The following HPSE2 variants were observed in gnomAD, a reference collection of about 807,000 sequenced individuals.
HPSE2 encodes inactive heparanase-2.
In HPSE2, 38 loss-of-function variants were observed where a neutral mutation model predicts 60.5. The ratio of observed to expected loss-of-function variants is 0.63; its 90% CI spans 0.48 to 0.82. The LOEUF (loss-of-function observed/expected upper bound fraction) is 0.82, where lower values mean the gene tolerates loss of function less well. Among genes scored for constraint, HPSE2 ranks in the 40% least tolerant of loss-of-function variants. The pLI is 0.00. For missense variants in HPSE2, 713 were observed against 740.4 expected (o/e 0.96, Z 0.43); for synonymous variants, 295 against 293.2 (o/e 1.01, Z -0.06).
chr10:98,694,371 C>T (rs1264790592), intron 5 of HPSE2, among the ~76,000 whole-genome samples: 1 of 152,218 alleles, frequency 6.6e-6, no homozygotes, highest in Non-Finnish European at 1.5e-5. Flanking sequence ...TGAAAAACTT[C>T]AGGCTTTCCT....
intron 10 of HPSE2, 122 bp from the exon 11 acceptor site, chr10:98,482,904 C>T (rs1591248037): frequency 3.1e-6 from 3 of 953,408 alleles, no homozygotes; most frequent in Non-Finnish European, 4.9e-6. Flanking sequence ...AAAAACTTGG[C>T]CACCATAGAC....
At chr10:98,943,493 G>A (rs1177282411) in intron 3 of HPSE2, among the ~76,000 whole-genome samples, 3 of 151,842 alleles carry the variant, frequency 2.0e-5, no homozygotes, top group East Asian at 3.9e-4. Flanking sequence ...CCACCCCTTC[G>A]TATTCATAGC....
At chr10:98,503,679 C>T (rs1403402965) in intron 9 of HPSE2, among the ~76,000 whole-genome samples, 1 of 152,188 alleles carries the variant, frequency 6.6e-6, no homozygotes, top group African/African-American at 2.4e-5. Flanking sequence ...GAATGCTACT[C>T]AGCCATAAAA....
At chr10:98,616,716 G>T (rs1398102436) in intron 8 of HPSE2, among the ~76,000 whole-genome samples, 1 of 151,742 alleles carries the variant, frequency 6.6e-6, no homozygotes, top group Non-Finnish European at 1.5e-5. Flanking sequence ...AAATCAAAAG[G>T]GAAATCTGAC....
At chr10:98,685,154 A>T (rs375745180) in intron 6 of HPSE2, among the ~76,000 whole-genome samples, 10 of 152,130 alleles carry the variant, frequency 6.6e-5, no homozygotes, top group Non-Finnish European at 1.5e-4. Context: ...CCATTGATCC[A>T]TTGTATGTTT....
chr10:99,259,621 A>G, the HPSE2 span, among the ~76,000 whole-genome samples: 8 of 152,222 alleles, frequency 5.3e-5, no homozygotes, highest in Non-Finnish European at 8.8e-5. Context: ...CCAAGATGTC[A>G]TGAATAAAAC....
At chr10:98,482,876 G>A in intron 10 of HPSE2, 94 bp from the exon 11 acceptor site, 1 of 1,379,550 alleles carries the variant, frequency 7.2e-7, no homozygotes, top group African/African-American at 1.4e-5. Context: ...AATATGAACA[G>A]CCCTGAAAAT....
rs566049695 is a variant in HPSE2, at chr10:98,710,724, G to A, written c.956+10933C>T. Among the ~76,000 whole-genome samples, 18 of 152,290 alleles carry A rather than the reference G, an allele frequency of 1.2e-4. No homozygotes were observed. In the South Asian group the frequency reaches 3.5e-3, roughly 30 times the overall value. ...AAGATCACACAGGCAGTTAATTGCA[G>A]AGCTGGGATTCAAACCCAATTCTGA... On this transcript the variant is annotated intron_variant, in intron 5 of 11. Transcript: ENST00000370552.
intron 3 of HPSE2, among the ~76,000 whole-genome samples, chr10:98,797,605 A>G (rs1319080870): frequency 6.6e-6 from 1 of 152,104 alleles, no homozygotes; most frequent in African/African-American, 2.4e-5. Context: ...GCACTTTGGG[A>G]GGCCGAGGCG....
intron 3 of HPSE2, among the ~76,000 whole-genome samples, chr10:98,915,512 G>A (rs527357701): frequency 6.6e-6 from 1 of 152,002 alleles, no homozygotes; most frequent in East Asian, 1.9e-4. Flanking sequence ...TGAGAGGGAG[G>A]GAAAAATTTA....
At chr10:98,895,949 G>C (rs1216353095) in intron 3 of HPSE2, among the ~76,000 whole-genome samples, 2 of 100,156 alleles carry the variant, frequency 2.0e-5, no homozygotes, top group East Asian at 3.7e-4. Context: ...GTGGGGGGAG[G>C]GGGGAGGGAT....
chr10:98,721,530 A>G (rs550441380), intron 5 of HPSE2, 127 bp downstream of exon 5: 2 of 906,544 alleles, frequency 2.2e-6, no homozygotes, highest in African/African-American at 3.4e-5. Flanking sequence ...GCCACTATGG[A>G]AAGAGTCCCT....
chr10:99,097,935 G>A (rs1354318744), intron 3 of HPSE2, among the ~76,000 whole-genome samples: 1 of 152,164 alleles, frequency 6.6e-6, no homozygotes, highest in Admixed American at 6.5e-5. Context: ...TCATGAAGTT[G>A]TCAAGACTCT....
chr10:99,122,494 T>C (rs1229571129), intron 3 of HPSE2, among the ~76,000 whole-genome samples: 2 of 151,846 alleles, frequency 1.3e-5, no homozygotes, highest in African/African-American at 2.4e-5. Context: ...AAGGAATGAA[T>C]ACAAGTTTAA....
At chr10:99,072,122 A>C (rs1447945541) in intron 3 of HPSE2, among the ~76,000 whole-genome samples, 1 of 151,990 alleles carries the variant, frequency 6.6e-6, no homozygotes, top group Non-Finnish European at 1.5e-5. Flanking sequence ...AAAAAATTCC[A>C]CTGAGATTTT....
intron 3 of HPSE2, among the ~76,000 whole-genome samples, chr10:98,803,323 T>G (rs903154999): frequency 2.5e-4 from 37 of 150,342 alleles, no homozygotes; most frequent in Non-Finnish European, 4.3e-4. Flanking sequence ...CCCTTTAGTT[T>G]AATTAGATCC....
chr10:98,614,970 C>A lies in HPSE2; in HGVS notation c.1254G>T (p.Val418=). Residue 418 remains valine (V), a synonymous_variant, in exon 9 of 12, where the codon GTG becomes GTT. Transcript: ENST00000370552. The part of the protein sequence containing the change: ...GMLANQGIDV[V]IRHSFFDHGY... ...CATGGTCAAAAAATGAGTGCCGTAT[C>A]ACGACATCAATGCCCTGATTGGCCA... 1 of 1,614,102 alleles carries A rather than the reference C, an allele frequency of 6.2e-7. No individual in the cohort carries two copies. Among genetic ancestry groups the A allele is most frequent in the Non-Finnish European group, 8.5e-7 (1 of 1,179,992 alleles).
intron 9 of HPSE2, among the ~76,000 whole-genome samples, chr10:98,611,940 G>C (rs1028008852): frequency 6.6e-6 from 1 of 152,154 alleles, no homozygotes; most frequent in Admixed American, 6.6e-5. Flanking sequence ...GCTCCACCAT[G>C]TATCAACTGA....
At chr10:99,064,086 C>G (rs1377705852) in intron 3 of HPSE2, among the ~76,000 whole-genome samples, 1 of 151,896 alleles carries the variant, frequency 6.6e-6, no homozygotes, top group Non-Finnish European at 1.5e-5. Context: ...AGTGAGACTC[C>G]GTCTCAAAAA....
Sources: allele counts gnomAD v4.1 joint callset (sites outside exome capture counted in the v4.1 genomes callset), GRCh38; gene constraint gnomAD v4.1.1; transcripts MANE v1.5; gene names NCBI Gene and HGNC (gene_info 2026-07-23, HGNC 2026-07-21).